Variants in MAOB observed in about 807,000 individuals in gnomAD.
The protein encoded by MAOB is monoamine oxidase B.
Under a neutral mutation model 41.9 loss-of-function variants are expected in MAOB, and 15 were observed. That is an observed-to-expected ratio of 0.36 (90% CI 0.24 to 0.55). The LOEUF is 0.55. MAOB is among the 20% of genes least tolerant of loss of function. The pLI, the probability that MAOB is intolerant of heterozygous loss-of-function variation, is 0.86. For missense variants in MAOB, 345 were observed against 398.7 expected, an observed-to-expected ratio of 0.87 and a Z score of 1.15; for synonymous variants, 167 against 144.2, an observed-to-expected ratio of 1.16 and a Z score of -1.13.
chrX:43,852,569 T>C (rs1290439262), intron 1 of MAOB, among the ~76,000 whole-genome samples: 1 of 112,212 alleles, frequency 8.9e-6, no homozygotes, highest in African/African-American at 3.2e-5. Context: ...GTTGACTGTA[T>C]AATTCTTTGA....
intron 3 of MAOB, among the ~76,000 whole-genome samples, chrX:43,818,475 C>T (rs749769607): frequency 1.5e-4 from 17 of 112,281 alleles, no homozygotes; most frequent in Non-Finnish European, 2.8e-4. Context: ...TCCTCTCATG[C>T]AGCAGAAGAT....
At chrX:43,853,001 G>A (rs1431642925) in intron 1 of MAOB, among the ~76,000 whole-genome samples, 1 of 111,184 alleles carries the variant, frequency 9.0e-6, no homozygotes, top group Non-Finnish European at 1.9e-5. Flanking sequence ...CCAAGTTACA[G>A]AAAAGTAGAA....
chrX:43,788,981 T>G (rs1432827736), intron 8 of MAOB, among the ~76,000 whole-genome samples: 1 of 111,516 alleles, frequency 9.0e-6, no homozygotes, highest in Non-Finnish European at 1.9e-5. Context: ...ATTTTGGCTC[T>G]TTTCAGATTT....
intron 3 of MAOB, among the ~76,000 whole-genome samples, chrX:43,823,256 T>A (rs1311642245): frequency 1.1e-5 from 1 of 94,946 alleles, no homozygotes; most frequent in Non-Finnish European, 2.0e-5. Flanking sequence ...CACTGCAACA[T>A]CCACCTCCCG....
chrX:43,775,028 T>C, intron 12 of MAOB, 147 bp downstream of exon 12: 3 of 878,592 alleles, frequency 3.4e-6, no homozygotes, highest in Non-Finnish European at 4.3e-6. Context: ...CACGATTTCA[T>C]TCATAAGATA....
intron 12 of MAOB, among the ~76,000 whole-genome samples, chrX:43,770,857 C>A (rs1481154251): frequency 8.9e-6 from 1 of 111,888 alleles, no homozygotes; most frequent in African/African-American, 3.3e-5. Context: ...ACTGAAATGT[C>A]ATAGCACTTG....
chrX:43,775,387 G>C, intron 11 of MAOB, 115 bp from the exon 12 acceptor site: 1 of 1,074,608 alleles, frequency 9.3e-7, no homozygotes, highest in Non-Finnish European at 1.2e-6. Context: ...TTCGGAAATA[G>C]AGTTGCATTA....
At chrX:43,861,018 C>A (rs2035328396) in intron 1 of MAOB, among the ~76,000 whole-genome samples, 1 of 112,112 alleles carries the variant, frequency 8.9e-6, no homozygotes, top group African/African-American at 3.2e-5. Flanking sequence ...TACTTTTCAT[C>A]GATTAACTTA....
chrX:43,790,410 G>T (rs1308511070), intron 8 of MAOB, among the ~76,000 whole-genome samples: 2 of 111,865 alleles, frequency 1.8e-5, no homozygotes, highest in East Asian at 5.6e-4. Flanking sequence ...TTACCAGTTT[G>T]CATGACTGTC....
At chrX:43,871,789 T>G (rs749418078) in intron 1 of MAOB, among the ~76,000 whole-genome samples, 23 of 110,551 alleles carry the variant, frequency 2.1e-4, no homozygotes, top group African/African-American at 7.6e-4. Context: ...CACCCTTATG[T>G]GTATTTATCA....
intron 3 of MAOB, among the ~76,000 whole-genome samples, chrX:43,810,221 C>T (rs1160530738): frequency 1.5e-5 from 1 of 66,057 alleles, no homozygotes; most frequent in Non-Finnish European, 2.4e-5. Flanking sequence ...CCAGCCTGGG[C>T]GACAGAGCGA....
chrX:43,786,191 A>G (rs1601972304), intron 8 of MAOB, among the ~76,000 whole-genome samples: 2 of 112,254 alleles, frequency 1.8e-5, no homozygotes, highest in African/African-American at 6.5e-5. Flanking sequence ...ATGTTATAAC[A>G]ATATATTACT....
chrX:43,853,540 G>A (rs2035268896), intron 1 of MAOB, among the ~76,000 whole-genome samples: 1 of 111,575 alleles, frequency 9.0e-6, no homozygotes, highest in Non-Finnish European at 1.9e-5. Context: ...AAATTCATAT[G>A]TTGAAGTTCC....
intron 3 of MAOB, among the ~76,000 whole-genome samples, chrX:43,806,100 A>T (rs1260273611): frequency 8.9e-6 from 1 of 112,397 alleles, no homozygotes; most frequent in African/African-American, 3.2e-5. Flanking sequence ...CCTTTCACCT[A>T]GTTTTCTCTA....
chrX:43,768,276 T>G (rs768056987), intron 14 of MAOB, among the ~76,000 whole-genome samples: 10 of 112,158 alleles, frequency 8.9e-5, no homozygotes, highest in African/African-American at 2.9e-4. Flanking sequence ...ATTCCATTTG[T>G]TTGTCCCTGG....
At chrX:43,775,827 TG>T (rs2034248566) in intron 11 of MAOB, among the ~76,000 whole-genome samples, 1 of 112,179 alleles carries the variant, frequency 8.9e-6, no homozygotes, top group Non-Finnish European at 1.9e-5. Flanking sequence ...CAGGAAAAAT[TG>T]GCAGAGATTT....
chrX:43,781,644 G>A, intron 8 of MAOB, 100 bp from the exon 9 acceptor site: 1 of 429,915 alleles, frequency 2.3e-6, no homozygotes. Context: ...GAAGCCCAAA[G>A]GCCAAATAAA....
chrX:43,841,374 A>G (rs1397977896), intron 2 of MAOB, among the ~76,000 whole-genome samples: 1 of 112,081 alleles, frequency 8.9e-6, no homozygotes, highest in Non-Finnish European at 1.9e-5. Context: ...AGCTGAAGCA[A>G]AAACAAGAAG....
rs1157628579 is a variant in MAOB at position 43,857,084 on chromosome X, AATATATAT to A, written c.47-13328_47-13321del. On this transcript the variant is annotated intron_variant, in intron 1 of 14. Transcript: ENST00000378069. ...CTCAACACAAACTACCTATTCTTTA[AATATATAT>A]ATATATATATATATATATATATATA... Among the ~76,000 whole-genome samples the A allele has an allele frequency of 1.9e-3, 44 of 22,719 alleles. 1 individual carries two copies. The highest frequency in any genetic ancestry group is 3.5e-3 in the African/African-American group (16 of 4,596). 19.7% of individuals were successfully genotyped at this position (22,719 alleles called of 115,157 possible). A position where few individuals can be genotyped will look rare whatever the true frequency, so the allele number is the denominator to read the frequency against.
Sources: allele counts gnomAD v4.1 joint callset (sites outside exome capture counted in the v4.1 genomes callset), GRCh38; gene constraint gnomAD v4.1.1; transcripts MANE v1.5; gene names NCBI Gene and HGNC (gene_info 2026-07-23, HGNC 2026-07-21).